Variants in BNC2 observed in about 807,000 individuals in gnomAD.
BNC2 encodes zinc finger protein basonuclin-2.
In BNC2, 20 loss-of-function variants were observed where a neutral mutation model predicts 76.3. The ratio of observed to expected loss-of-function variants is 0.26; its 90% CI spans 0.18 to 0.38. The LOEUF is 0.38. BNC2 is among the 10% of genes least tolerant of loss of function. BNC2 has a pLI of 1.00. For synonymous variants in BNC2, 582 were observed against 514.8 expected, an observed-to-expected ratio of 1.13 and a Z score of -1.77; for missense variants, 1,382 against 1,399.8, an observed-to-expected ratio of 0.99 and a Z score of 0.20.
chr9:16,526,583 G>T (rs1415745217), intron 5 of BNC2, among the ~76,000 whole-genome samples: 2 of 138,712 alleles, frequency 1.4e-5, no homozygotes, highest in African/African-American at 5.4e-5. Flanking sequence ...ACAAAGAAAT[G>T]TCCATTAGTC....
At chr9:16,674,040 A>G (rs1822563384) in intron 3 of BNC2, among the ~76,000 whole-genome samples, 1 of 152,240 alleles carries the variant, frequency 6.6e-6, no homozygotes, top group Non-Finnish European at 1.5e-5. Flanking sequence ...TGTTCATTCC[A>G]AAGTTCTGAA....
At chr9:16,472,435 G>A (rs886485048) in intron 5 of BNC2, among the ~76,000 whole-genome samples, 3 of 152,144 alleles carry the variant, frequency 2.0e-5, no homozygotes, top group Non-Finnish European at 4.4e-5. Flanking sequence ...ACATGTTCTG[G>A]TAGCTTTACC....
chr9:16,755,472 C>T (rs572437772), intron 1 of BNC2, among the ~76,000 whole-genome samples: 3 of 152,240 alleles, frequency 2.0e-5, no homozygotes, highest in Admixed American at 2.0e-4. Flanking sequence ...ACCACTGCTG[C>T]GCTTAACCAT....
intron 3 of BNC2, among the ~76,000 whole-genome samples, chr9:16,599,779 T>G (rs776126553): frequency 6.6e-6 from 1 of 152,094 alleles, no homozygotes. Context: ...CGAGTCTCCA[T>G]GTCAAAAAAA....
chr9:16,590,435 C>T (rs926409023), intron 3 of BNC2, among the ~76,000 whole-genome samples: 6 of 151,886 alleles, frequency 4.0e-5, no homozygotes, highest in African/African-American at 1.4e-4. Flanking sequence ...TCATGTGATC[C>T]ACCTGCCTCG....
rs560851676 is a variant in BNC2, at chr9:16,557,930, G to A, written c.434-5165C>T. The stretch of plus-strand genomic sequence containing the variant: ...CGTTGGAGTGCAGTGGCAGGATCGC[G>A]GCTCCCCACAGCCTCCATCTCCTGG... On this transcript the variant is annotated intron_variant, in intron 4 of 6. Coordinates refer to ENST00000380672, the MANE Select transcript of BNC2 (RefSeq NM_017637.6). Among the ~76,000 whole-genome samples the A allele has an allele frequency of 3.3e-5, 5 of 151,710 alleles. No individual in the cohort carries two copies. The East Asian group carries it at 5.9e-4, about 18-fold the overall frequency.
chr9:16,678,225 C>T (rs972792500), intron 3 of BNC2, among the ~76,000 whole-genome samples: 4 of 149,574 alleles, frequency 2.7e-5, no homozygotes, highest in African/African-American at 7.4e-5. Flanking sequence ...CCAAATTTGC[C>T]GAAGTTCCAG....
chr9:16,498,945 C>A (rs1822458568), intron 5 of BNC2, among the ~76,000 whole-genome samples: 1 of 152,120 alleles, frequency 6.6e-6, no homozygotes, highest in Non-Finnish European at 1.5e-5. Flanking sequence ...TGAATACAAA[C>A]AACAGAAACT....
At chr9:16,659,009 A>G (rs1318102523) in intron 3 of BNC2, among the ~76,000 whole-genome samples, 1 of 152,172 alleles carries the variant, frequency 6.6e-6, no homozygotes, top group African/African-American at 2.4e-5. Context: ...TTTGAATGTG[A>G]TTAAACTTAA....
At chr9:16,656,266 C>T (rs1358166755) in intron 3 of BNC2, among the ~76,000 whole-genome samples, 2 of 152,126 alleles carry the variant, frequency 1.3e-5, no homozygotes, top group African/African-American at 2.4e-5. Flanking sequence ...AGGGAGAACT[C>T]TACTCACCCG....
chr9:16,516,100 T>G (rs1047125570), intron 5 of BNC2, among the ~76,000 whole-genome samples: 1 of 152,212 alleles, frequency 6.6e-6, no homozygotes, highest in Non-Finnish European at 1.5e-5. Flanking sequence ...CCACTGTTTC[T>G]AAGTGCCTTA....
At chr9:16,487,248 G>GT (rs1822184750) in intron 5 of BNC2, among the ~76,000 whole-genome samples, 2 of 152,260 alleles carry the variant, frequency 1.3e-5, no homozygotes, top group Admixed American at 1.3e-4. Flanking sequence ...AATAACAGCA[G>GT]TAAGTCTGTC....
intron 1 of BNC2, among the ~76,000 whole-genome samples, chr9:16,863,061 C>T (rs1194131123): frequency 2.0e-5 from 3 of 151,852 alleles, no homozygotes; most frequent in African/African-American, 2.4e-5. Flanking sequence ...ATTATAGGTG[C>T]CCGCCACCAC....
chr9:16,419,009 G>C lies in BNC2; in HGVS notation c.3280C>G (p.Pro1094Ala), dbSNP rs1261523648. ...TGAGACTAATCTACTGAAGTGAAGG[G>C]AATGTTTTTGTGGAGATTAGGGTTC... The part of the protein sequence containing the change: ...SQNPNLHKNI[P>A]FTSVD The change falls in exon 7 of 7, where the codon CCC becomes GCC. Residue 1094 changes from proline to alanine, a missense_variant. Coordinates refer to ENST00000380672, the MANE Select transcript of BNC2 (RefSeq NM_017637.6). 1 of 1,614,140 alleles carries C rather than the reference G, an allele frequency of 6.2e-7. No homozygotes were observed. The highest frequency in any genetic ancestry group is 8.5e-7 in the Non-Finnish European group (1 of 1,180,018).
intron 1 of BNC2, among the ~76,000 whole-genome samples, chr9:16,751,056 A>C (rs1245780545): frequency 1.3e-5 from 2 of 152,186 alleles, no homozygotes; most frequent in African/African-American, 4.8e-5. Flanking sequence ...TTCACCCACA[A>C]GATTAAATAT....
chr9:16,643,285 G>C (rs1444836737), intron 3 of BNC2, among the ~76,000 whole-genome samples: 1 of 140,568 alleles, frequency 7.1e-6, no homozygotes, highest in Non-Finnish European at 1.5e-5. Context: ...CAGCCTGGGT[G>C]AAAGAGCAAG....
chr9:16,730,158 C>CAGTA (rs1236915958), intron 2 of BNC2, among the ~76,000 whole-genome samples: 1 of 152,094 alleles, frequency 6.6e-6, no homozygotes, highest in African/African-American at 2.4e-5. Flanking sequence ...CAAGCACCTG[C>CAGTA]AGTAATAGAC....
At chr9:16,454,459 C>T (rs1410084387) in intron 5 of BNC2, among the ~76,000 whole-genome samples, 1 of 152,104 alleles carries the variant, frequency 6.6e-6, no homozygotes. Context: ...TGCCACCACA[C>T]CCAGCTAATT....
chr9:16,737,252 T>C (rs1424888371), intron 2 of BNC2, among the ~76,000 whole-genome samples: 2,058 of 145,426 alleles, frequency 0.014, 55 homozygotes, highest in African/African-American at 0.049. Context: ...TTTTTTTTTT[T>C]TTTTTTTTTT....
Sources: allele counts gnomAD v4.1 joint callset (sites outside exome capture counted in the v4.1 genomes callset), GRCh38; gene constraint gnomAD v4.1.1; transcripts MANE v1.5; gene names NCBI Gene and HGNC (gene_info 2026-07-23, HGNC 2026-07-21).